Variants in DICER1 observed in about 807,000 individuals in gnomAD.
DICER1 encodes the protein endoribonuclease Dicer.
In DICER1, 43 loss-of-function variants were observed where a neutral mutation model predicts 194.1. The ratio of observed to expected loss-of-function variants is 0.22; its 90% CI spans 0.17 to 0.29. DICER1 has a LOEUF of 0.29. Among genes scored for constraint, DICER1 ranks in the 10% least tolerant of loss-of-function variants. The pLI is 1.00. For synonymous variants in DICER1, 832 were observed against 820.5 expected (o/e 1.01, Z -0.24); for missense variants, 1,608 against 2,317.0 (o/e 0.69, Z 6.28).
At chr14:95,120,341 G>C (rs1288340253) in intron 8 of DICER1, among the ~76,000 whole-genome samples, 1 of 152,184 alleles carries the variant, frequency 6.6e-6, no homozygotes, top group East Asian at 1.9e-4. Context: ...AGCATCTACT[G>C]TGTGCTGGTT....
intron 1 of DICER1, among the ~76,000 whole-genome samples, chr14:95,142,592 T>C (rs1237837675): frequency 2.0e-5 from 3 of 152,348 alleles, no homozygotes; most frequent in East Asian, 1.9e-4. Flanking sequence ...ATTATTTCCA[T>C]TGATAATTCC....
At position 95,157,229 on chromosome 14, in the gene DICER1, C is replaced by CCTG. The variant is rs1477230957; in HGVS notation, c.-48_-46dup. On this transcript the variant is annotated splice_region_variant and 5_prime_UTR_variant. Transcript: ENST00000343455. ...AGCTGCTCCGCGGGAGCCCGCCTCA[C>CCTG]CTGCAGCACGGGGCGCCGCGGGCCT... is the stretch of plus-strand genomic sequence containing the variant. 1.3e-5 allele frequency: 2 copies of CCTG among 150,836 alleles called. No individual in the cohort carries two copies. Among genetic ancestry groups the CCTG allele is most frequent in the African/African-American group, 4.8e-5 (2 of 41,294 alleles). The allele number at this position is 150,836 out of a possible 1,614,324, so 9.3% of individuals were successfully genotyped here. A position where few individuals can be genotyped will look rare whatever the true frequency, so the allele number is the denominator to read the frequency against.
intron 24 of DICER1, among the ~76,000 whole-genome samples, chr14:95,093,225 A>T (rs150369592): frequency 6.6e-4 from 100 of 152,348 alleles, no homozygotes; most frequent in African/African-American, 2.3e-3. Flanking sequence ...TGGGAAGAGG[A>T]GGAAATGAGA....
At chr14:95,154,078 A>G (rs1473734809) in intron 1 of DICER1, among the ~76,000 whole-genome samples, 1 of 152,260 alleles carries the variant, frequency 6.6e-6, no homozygotes, top group African/African-American at 2.4e-5. Flanking sequence ...TATACAAATT[A>G]AAGACCTCAC....
chr14:95,148,892 T>C (rs1895320638), intron 1 of DICER1, among the ~76,000 whole-genome samples: 3 of 152,222 alleles, frequency 2.0e-5, no homozygotes, highest in Admixed American at 2.0e-4. Flanking sequence ...AAGGTGAGTT[T>C]TAAGGTTCAT....
intron 1 of DICER1, chr14:95,141,814 G>A (rs1319004023): frequency 1.3e-5 from 2 of 152,188 alleles, no homozygotes; most frequent in Non-Finnish European, 2.9e-5. Flanking sequence ...TTTAAGAGAT[G>A]TTCTACTTTT....
intron 23 of DICER1, among the ~76,000 whole-genome samples, chr14:95,095,178 T>A (rs183805424): frequency 2.6e-5 from 4 of 152,362 alleles, no homozygotes; most frequent in African/African-American, 9.6e-5. Context: ...ATACAGAAAT[T>A]GAAATGTAAA....
At position 95,106,219 on chromosome 14, in the gene DICER1, G is replaced by A. The variant is rs1354833117; in HGVS notation, c.2809C>T (p.Arg937Cys). 1 of 1,612,606 alleles carries A rather than the reference G, an allele frequency of 6.2e-7. No homozygotes were observed. The highest frequency in any genetic ancestry group is 8.5e-7 in the Non-Finnish European group (1 of 1,179,010). Reference sequence around the variant, plus strand: ...AATCGATGAGGCTGATCAAAATTGCGATATCTAAAAAAGAAAAACAAAAAA... The same window carrying A: ...AATCGATGAGGCTGATCAAAATTGCAATATCTAAAAAAGAAAAACAAAAAA... ...YQDAVIIPRY[R>C]NFDQPHRFYV... The change falls in exon 18 of 27, where the codon CGC becomes TGC. Residue 937 changes from arginine to cysteine, a missense_variant. Around this residue, in one of 10 missense-constraint regions of DICER1, gnomAD observed 150 missense variants for 216.0 expected, o/e 0.69. Coordinates refer to ENST00000343455, the MANE Select transcript of DICER1 (RefSeq NM_177438.3).
Position 95,091,021 on chromosome 14 carries a change from AT to A in DICER1, c.5603+12del, listed in dbSNP as rs1253553258. 5 of 1,609,820 alleles carry A rather than the reference AT, an allele frequency of 3.1e-6. No homozygotes were observed. Among genetic ancestry groups the A allele is most frequent in the Non-Finnish European group, 4.2e-6 (5 of 1,177,180 alleles). Reference sequence around the variant, plus strand: ...TTAAGTTAATGTTTTTTCCATGTACATTTTTTGCTTACCTAAATTTGGCAGT... The same window carrying A: ...TTAAGTTAATGTTTTTTCCATGTACATTTTTGCTTACCTAAATTTGGCAGT... On this transcript the variant is annotated intron_variant, in intron 26 of 26. Transcript: ENST00000343455.
rs750973935 is a variant in DICER1, at chr14:95,096,727, G to T, written c.4207-14C>A. ...GCAGTCTTTTGTCTGAAACGAGGGG[G>T]AATGGGGAAGGAGGGGAAACATAGC... On this transcript the variant is annotated splice_polypyrimidine_tract_variant and intron_variant, in intron 22 of 26. Coordinates refer to ENST00000343455, the MANE Select transcript of DICER1 (RefSeq NM_177438.3). 1.3e-6 allele frequency: 2 copies of T among 1,589,176 alleles called. No individual in the cohort carries two copies. The highest frequency in any genetic ancestry group is 2.3e-5 in the South Asian group (2 of 88,316).
chr14:95,090,521 G>A lies in DICER1; in HGVS notation c.5746C>T (p.Gln1916Ter), dbSNP rs1253131536. The change falls in exon 27 of 27, where the codon CAA (glutamine) becomes TAA (stop). Residue 1916 changes from glutamine (Q) to a stop codon, truncating the protein, a stop_gained. Transcript: ENST00000343455. LOFTEE classifies it high-confidence loss of function. ...TTTCAGCTATTGGGAACCTGAGGTT[G>A]ATTAGCTTTGAGGCTTCGGAGGGCT... is the stretch of plus-strand genomic sequence containing the variant. ...RRALRSLKAN[Q>*]PQVPNS 6.2e-7 allele frequency: 1 copy of A among 1,613,918 alleles called. No individual in the cohort carries two copies. Among genetic ancestry groups the A allele is most frequent in the Non-Finnish European group, 8.5e-7 (1 of 1,180,028 alleles).
In DICER1 at chr14:95,103,850, T is replaced by C. The variant is rs1566768449; in HGVS notation, c.3546A>G (p.Gln1182=). The C allele has an allele frequency of 3.1e-6, 5 of 1,614,170 alleles. No individual in the cohort carries two copies. The highest frequency in any genetic ancestry group is 4.2e-6 in the Non-Finnish European group (5 of 1,180,038). The change falls in exon 21 of 27, where the codon CAA becomes CAG. Residue 1182 remains glutamine, a synonymous_variant. Coordinates refer to ENST00000343455, the MANE Select transcript of DICER1 (RefSeq NM_177438.3). Reference sequence around the variant, plus strand: ...AATCATAACTGCCATTGGCGAGATTTTGATTGTAAGAAAGACCATTAATTG... The same window carrying C: ...AATCATAACTGCCATTGGCGAGATTCTGATTGTAAGAAAGACCATTAATTG... The part of the protein sequence containing the change: ...LTAINGLSYN[Q]NLANGSYDLA...
At position 95,133,305 on chromosome 14, in the gene DICER1, G is replaced by A. The variant is rs200678453; in HGVS notation, c.144+10C>T. ...GTAGAATGCTCCAGTATTAGTGTTC[G>A]CATTAGTACCTGATATTTTCTTGGC... On this transcript the variant is annotated intron_variant, in intron 2 of 26. Transcript: ENST00000343455. The A allele has an allele frequency of 2.0e-5, 32 of 1,613,444 alleles. No homozygotes were observed. The highest frequency in any genetic ancestry group is 2.7e-5 in the African/African-American group (2 of 74,890).
intron 8 of DICER1, among the ~76,000 whole-genome samples, chr14:95,122,534 G>C (rs1463949724): frequency 2.0e-5 from 3 of 152,166 alleles, no homozygotes; most frequent in African/African-American, 7.2e-5. Flanking sequence ...GGTTTTTAGT[G>C]TTCTGTGATG....
intron 1 of DICER1, among the ~76,000 whole-genome samples, chr14:95,136,132 AAAGC>A (rs993240504): frequency 3.5e-5 from 5 of 144,442 alleles, no homozygotes; most frequent in African/African-American, 1.3e-4. Flanking sequence ...CACAGCTGAT[AAAGC>A]AAGTGGGGCA....
Position 95,104,018 on chromosome 14 carries a change from T to C in DICER1, c.3378A>G (p.Thr1126=). 6.2e-7 allele frequency: 1 copy of C among 1,614,182 alleles called. No individual in the cohort carries two copies. The highest frequency in any genetic ancestry group is 8.5e-7 in the Non-Finnish European group (1 of 1,180,028). ...GATGTGCAGCATTTTCAGGGACAATTGTGCTGTGCTTACAGTAATTATCAT... is the reference window on the plus strand; with the variant it reads ...GATGTGCAGCATTTTCAGGGACAATCGTGCTGTGCTTACAGTAATTATCAT... ...AENDNYCKHS[T]IVPENAAHQG... Residue 1126 remains threonine, a synonymous_variant, in exon 21 of 27, where the codon ACA becomes ACG. Coordinates refer to ENST00000343455, the MANE Select transcript of DICER1 (RefSeq NM_177438.3).
In DICER1 at chr14:95,096,514, A is replaced by G. The variant is rs200890670; in HGVS notation, c.4406T>C (p.Leu1469Pro). ...AGAATCAGTGGTTGAAAAAGGAGAA[A>G]GAGAGATTTTCTTTACAAAAGCTCC... Reference protein sequence around the residue: ...GSGAFVKKISLSPFSTTDSAY... With the variant: ...GSGAFVKKISPSPFSTTDSAY... The change falls in exon 23 of 27, where the codon CTT (leucine) becomes CCT (proline). Residue 1469 changes from leucine to proline, a missense_variant. By Grantham distance (98) the Leu-to-Pro change is moderately conservative (BLOSUM62 -3). Coordinates refer to ENST00000343455, the MANE Select transcript of DICER1 (RefSeq NM_177438.3). The G allele has an allele frequency of 1.5e-5, 25 of 1,614,134 alleles. No individual in the cohort carries two copies. The Admixed American group carries it at 3.2e-4, about 20-fold the overall frequency.
intron 9 of DICER1, among the ~76,000 whole-genome samples, chr14:95,117,200 G>GC (rs1566791313): frequency 7.0e-6 from 1 of 142,256 alleles, no homozygotes; most frequent in East Asian, 2.0e-4. Flanking sequence ...ATATAGTGCT[G>GC]TTTTTTTTTT....
rs1595367126 is a variant in DICER1, at chr14:95,103,975, A to T, written c.3421T>A (p.Ser1141Thr). ...ATTTGGTCATGATTTTCTAGAGAGG[A>T]GGTTCTATTAGCACCTTGATGTGCA... is the stretch of plus-strand genomic sequence containing the variant. The part of the protein sequence containing the change: ...NAAHQGANRT[S>T]SLENHDQMSV... Residue 1141 changes from serine (S) to threonine (T), a missense_variant, in exon 21 of 27, where the codon TCC becomes ACC. Ser to Thr is a moderately conservative substitution (Grantham distance 58, BLOSUM62 1). Around this residue, in one of 10 missense-constraint regions of DICER1, gnomAD observed 222 missense variants for 215.5 expected, o/e 1.03. Transcript: ENST00000343455. 10 of 1,614,108 alleles carry T rather than the reference A, an allele frequency of 6.2e-6. No individual in the cohort carries two copies. Among genetic ancestry groups the T allele is most frequent in the Non-Finnish European group, 8.5e-6 (10 of 1,180,006 alleles).
Sources: gnomAD v4.1 joint callset for allele counts (sites outside exome capture counted in the v4.1 genomes callset) on GRCh38, gnomAD v4.1.1 for gene constraint, gnomAD v4.1.1 regional missense constraint, MANE v1.5 for transcripts, NCBI Gene and HGNC (gene_info 2026-07-23, HGNC 2026-07-21) for gene names.